Variants in SNX7 observed in about 807,000 individuals in gnomAD.
SNX7 encodes sorting nexin 7, also known as sorting nexin-7.
In SNX7, 35 loss-of-function variants were observed where a neutral mutation model predicts 48.4. The ratio of observed to expected loss-of-function variants is 0.72; its 90% CI spans 0.55 to 0.96. The LOEUF (loss-of-function observed/expected upper bound fraction) is 0.96, where lower values mean the gene tolerates loss of function less well. SNX7 is among the 40% of genes least tolerant of loss of function. The pLI is 0.00. For synonymous variants in SNX7, 190 were observed against 190.2 expected (o/e 1.00, Z 0.01); for missense variants, 553 against 548.9 (o/e 1.01, Z -0.07).
chr1:98,695,791 TAGCA>T, intron 5 of SNX7, 75 bp downstream of exon 5: 2 of 1,046,378 alleles, frequency 1.9e-6, no homozygotes, highest in Non-Finnish European at 3.0e-6. Context: ...TGGTGTAATA[TAGCA>T]ACATTCAGTT....
intron 7 of SNX7, among the ~76,000 whole-genome samples, chr1:98,733,981 A>G (rs1036662604): frequency 4.6e-5 from 7 of 152,082 alleles, no homozygotes; most frequent in Non-Finnish European, 1.0e-4. Context: ...CATGCTCAAT[A>G]TCATTTCCAG....
At chr1:98,715,861 T>C (rs1557816962) in intron 7 of SNX7, among the ~76,000 whole-genome samples, 1 of 152,150 alleles carries the variant, frequency 6.6e-6, no homozygotes, top group Non-Finnish European at 1.5e-5. Flanking sequence ...GAGGTATCAC[T>C]ATCCAAGACC....
At chr1:98,719,844 T>C (rs991832004) in intron 7 of SNX7, among the ~76,000 whole-genome samples, 3 of 135,832 alleles carry the variant, frequency 2.2e-5, no homozygotes, top group African/African-American at 8.4e-5. Context: ...CTTATAAATA[T>C]GAGGTTTTTG....
chr1:98,731,783 T>C (rs1046003552), intron 7 of SNX7, among the ~76,000 whole-genome samples: 7 of 152,100 alleles, frequency 4.6e-5, no homozygotes, highest in Non-Finnish European at 1.0e-4. Context: ...AGCATATGAT[T>C]ATCTTATGGA....
At chr1:98,733,879 A>G (rs776562963) in intron 7 of SNX7, among the ~76,000 whole-genome samples, 1 of 152,054 alleles carries the variant, frequency 6.6e-6, no homozygotes, top group African/African-American at 2.4e-5. Flanking sequence ...TCTCTTAACA[A>G]TTTCCACATA....
At chr1:98,677,085 TA>T (rs1180671727) in intron 1 of SNX7, among the ~76,000 whole-genome samples, 1 of 152,200 alleles carries the variant, frequency 6.6e-6, no homozygotes, top group East Asian at 1.9e-4. Flanking sequence ...CAAATGTATC[TA>T]AAAGAAAAAG....
chr1:98,741,496 A>C (rs1042829912), intron 8 of SNX7, among the ~76,000 whole-genome samples: 33 of 152,178 alleles, frequency 2.2e-4, no homozygotes, highest in African/African-American at 7.7e-4. Context: ...CAGGTGTCTC[A>C]AATGAAACTT....
At chr1:98,663,813 A>G (rs1249055874) in intron 1 of SNX7, among the ~76,000 whole-genome samples, 1 of 152,198 alleles carries the variant, frequency 6.6e-6, no homozygotes, top group Non-Finnish European at 1.5e-5. Context: ...CCTGCTTGTT[A>G]GTGTTAACTG....
Position 98,692,612 on chromosome 1 carries a change from G to A in SNX7, c.639+913G>A, listed in dbSNP as rs188075572. 6.2e-4 allele frequency among the ~76,000 whole-genome samples: 94 copies of A among 152,246 alleles called. 1 individual carries two copies. The highest frequency in any genetic ancestry group is 6.8e-3 in the Middle Eastern group (2 of 294). On this transcript the variant is annotated intron_variant, in intron 4 of 8. Coordinates refer to ENST00000306121, the MANE Select transcript of SNX7 (RefSeq NM_015976.5). ...ACTGCTACACCCAATTTAATGGAGA[G>A]ATGAACTACTCACATGGAGATGATC...
chr1:98,719,995 A>G (rs969191365), intron 7 of SNX7, among the ~76,000 whole-genome samples: 1 of 151,416 alleles, frequency 6.6e-6, no homozygotes, highest in Non-Finnish European at 1.5e-5. Context: ...CTATTGAATA[A>G]TCATGTTTTC....
intron 8 of SNX7, among the ~76,000 whole-genome samples, chr1:98,741,039 A>G (rs1164269654): frequency 2.0e-5 from 3 of 152,190 alleles, no homozygotes; most frequent in African/African-American, 7.2e-5. Flanking sequence ...AGGCCTAAAC[A>G]GCAACAATCT....
chr1:98,708,486 C>G (rs1652131322), intron 7 of SNX7, among the ~76,000 whole-genome samples: 1 of 152,120 alleles, frequency 6.6e-6, no homozygotes, highest in African/African-American at 2.4e-5. Context: ...AAACTGGGGC[C>G]TTTGCAGAAC....
At chr1:98,662,181 A>G (rs1483363421) in intron 1 of SNX7, 5 of 325,020 alleles carry the variant, frequency 1.5e-5, no homozygotes, top group Non-Finnish European at 1.7e-5. Flanking sequence ...GGAGTCTGCA[A>G]AGTTGTGATT....
At chr1:98,709,739 C>T (rs569538870) in intron 7 of SNX7, among the ~76,000 whole-genome samples, 2 of 152,148 alleles carry the variant, frequency 1.3e-5, no homozygotes, top group Non-Finnish European at 2.9e-5. Context: ...TCACTTTTTA[C>T]AGTAGTTACT....
chr1:98,663,130 T>G (rs537489322), intron 1 of SNX7, among the ~76,000 whole-genome samples: 3 of 152,340 alleles, frequency 2.0e-5, no homozygotes, highest in Admixed American at 6.5e-5. Context: ...TTATTTACTT[T>G]CTTTCCTTCT....
intron 2 of SNX7, among the ~76,000 whole-genome samples, chr1:98,689,827 T>C (rs909196981): frequency 2.7e-4 from 41 of 152,332 alleles, no homozygotes; most frequent in African/African-American, 9.4e-4. Context: ...GTATTTGATA[T>C]AGTTTTCCTG....
chr1:98,708,575 G>A (rs564193909), intron 7 of SNX7, among the ~76,000 whole-genome samples: 8 of 152,142 alleles, frequency 5.3e-5, no homozygotes, highest in African/African-American at 1.7e-4. Context: ...AGGGTAGTGG[G>A]TTTGCACACA....
chr1:98,661,599 G>A (rs1042010657), upstream of SNX7: 17 of 850,146 alleles, frequency 2.0e-5, no homozygotes, highest in Non-Finnish European at 2.3e-5. Context: ...CGGCAGTTCC[G>A]CGTCTGCGCA....
chr1:98,693,880 T>C (rs1419575756), intron 4 of SNX7, among the ~76,000 whole-genome samples: 1 of 152,180 alleles, frequency 6.6e-6, no homozygotes, highest in Non-Finnish European at 1.5e-5. Flanking sequence ...ATCCCAAGCT[T>C]GTGTCTCAAC....
Sources: allele counts gnomAD v4.1 joint callset (sites outside exome capture counted in the v4.1 genomes callset), GRCh38; gene constraint gnomAD v4.1.1; transcripts MANE v1.5; gene names NCBI Gene and HGNC (gene_info 2026-07-23, HGNC 2026-07-21).